Variants in MEIG1 observed in about 807,000 individuals in gnomAD.
MEIG1 encodes the protein meiosis/spermiogenesis associated 1.
A neutral mutation model predicts 11.3 loss-of-function variants in MEIG1; 12 were observed. The ratio of observed to expected loss-of-function variants is 1.07; its 90% confidence interval spans 0.68 to 1.73. MEIG1 has a LOEUF of 1.73. MEIG1 is among the 40% of genes most tolerant of loss of function. MEIG1 has a pLI of 0.00. For synonymous variants in MEIG1, 41 were observed against 33.2 expected (o/e 1.24, Z -0.81); for missense variants, 119 against 104.9 (o/e 1.13, Z -0.59).
chr10:14,962,817 T>G (rs1002165756), intron 1 of MEIG1, among the ~76,000 whole-genome samples: 2 of 151,800 alleles, frequency 1.3e-5, no homozygotes, highest in Admixed American at 1.3e-4. Context: ...CAGGCTGGAG[T>G]GCAGTGGCAC....
chr10:14,980,474 C>T (rs1019499830), intron 1 of MEIG1, among the ~76,000 whole-genome samples: 1 of 152,116 alleles, frequency 6.6e-6, no homozygotes, highest in Non-Finnish European at 1.5e-5. Context: ...CCCCTAATAT[C>T]GCAGGGGCTG....
At chr10:14,981,410 T>C (rs1268278049) in intron 1 of MEIG1, among the ~76,000 whole-genome samples, 1 of 152,168 alleles carries the variant, frequency 6.6e-6, no homozygotes, top group Non-Finnish European at 1.5e-5. Flanking sequence ...CGGTCTGGCA[T>C]GTACAAAAAC....
chr10:14,968,933 C>A (rs1357283660), intron 2 of MEIG1, among the ~76,000 whole-genome samples: 1 of 152,034 alleles, frequency 6.6e-6, no homozygotes, highest in African/African-American at 2.4e-5. Flanking sequence ...ACAAAACTTG[C>A]CAGGCATGGT....
At chr10:14,957,491 G>A (rs142070220), upstream of MEIG1, among the ~76,000 whole-genome samples, 734 of 152,314 alleles carry the variant, frequency 4.8e-3, 2 homozygotes, top group Middle Eastern at 0.014. Flanking sequence ...ATGATCCGGG[G>A]CTACAGAGGA....
intron 2 of MEIG1, among the ~76,000 whole-genome samples, chr10:14,968,132 C>G (rs973197108): frequency 1.3e-5 from 2 of 152,114 alleles, no homozygotes; most frequent in Admixed American, 6.6e-5. Flanking sequence ...TTTTGCAGAT[C>G]ACTATAAGCT....
At chr10:14,974,302 G>A (rs1713625768), downstream of MEIG1, among the ~76,000 whole-genome samples, 1 of 151,744 alleles carries the variant, frequency 6.6e-6, no homozygotes, top group African/African-American at 2.4e-5. Flanking sequence ...CTCTGTTAAA[G>A]AGGAACATGA....
At chr10:14,957,488 G>C (rs139798887), upstream of MEIG1, among the ~76,000 whole-genome samples, 3 of 152,182 alleles carry the variant, frequency 2.0e-5, no homozygotes, top group Non-Finnish European at 2.9e-5. Context: ...AGAATGATCC[G>C]GGGCTACAGA....
chr10:14,977,054 C>G (rs1229648027), downstream of MEIG1, among the ~76,000 whole-genome samples: 1 of 151,874 alleles, frequency 6.6e-6, no homozygotes, highest in Non-Finnish European at 1.5e-5. Context: ...AATGTCCTAG[C>G]GCAATTTTAC....
At chr10:14,958,312 T>G (rs1337990995), upstream of MEIG1, among the ~76,000 whole-genome samples, 1 of 152,216 alleles carries the variant, frequency 6.6e-6, no homozygotes, top group Non-Finnish European at 1.5e-5. Flanking sequence ...TAGTTTTTTG[T>G]TTTTAGTTTT....
chr10:14,986,153 T>C (rs1221151614), intron 1 of MEIG1, among the ~76,000 whole-genome samples: 1 of 152,166 alleles, frequency 6.6e-6, no homozygotes, highest in Non-Finnish European at 1.5e-5. Flanking sequence ...TCTTGCAGCA[T>C]TTTTTAACCA....
At chr10:14,959,204 C>T (rs888273633), upstream of MEIG1, among the ~76,000 whole-genome samples, 2 of 152,178 alleles carry the variant, frequency 1.3e-5, no homozygotes, top group African/African-American at 4.8e-5. Context: ...TTTTCGCCCT[C>T]CATCTCTGCT....
chr10:14,966,719 T>C, intron 2 of MEIG1, 113 bp downstream of exon 2: 1 of 966,242 alleles, frequency 1.0e-6, no homozygotes, highest in South Asian at 1.5e-5. Context: ...AACTCTCTCA[T>C]TTTATTTGTT....
In MEIG1 at chr10:14,985,011, C is replaced by A. The variant is rs149105311; in HGVS notation, n.67-1785C>A. Reference sequence around the variant, plus strand: ...TACTCATTTCACAATGCGTGTACACCCTTTGATATTATTCGTATTGTCTTG... The same window carrying A: ...TACTCATTTCACAATGCGTGTACACACTTTGATATTATTCGTATTGTCTTG... On this transcript the variant is annotated intron_variant and non_coding_transcript_variant, in intron 1 of 2. Coordinates refer to the MEIG1 transcript ENST00000467536. 7.8e-3 allele frequency among the ~76,000 whole-genome samples: 1,189 copies of A among 152,058 alleles called. 14 individuals are homozygous for A. The highest frequency in any genetic ancestry group is 0.026 in the African/African-American group (1,097 of 41,454).
chr10:14,967,260 C>T (rs936381917), intron 2 of MEIG1, among the ~76,000 whole-genome samples: 2 of 152,030 alleles, frequency 1.3e-5, no homozygotes, highest in Non-Finnish European at 2.9e-5. Flanking sequence ...TATTATTTCC[C>T]TCCTGTTACT....
At chr10:14,986,653 A>T (rs1843321371) in intron 1 of MEIG1, 1 of 229,042 alleles carries the variant, frequency 4.4e-6, no homozygotes, top group East Asian at 1.2e-4. Context: ...TCTGTTGCCC[A>T]GGTTGGAGTA....
intron 1 of MEIG1, among the ~76,000 whole-genome samples, chr10:14,981,686 C>T (rs887609117): frequency 1.3e-5 from 2 of 152,178 alleles, no homozygotes; most frequent in Non-Finnish European, 2.9e-5. Flanking sequence ...TTGAGCCGGG[C>T]CCCTTCCTCC....
At chr10:14,960,944 G>C (rs1285298445) in intron 1 of MEIG1, among the ~76,000 whole-genome samples, 3 of 152,096 alleles carry the variant, frequency 2.0e-5, no homozygotes, top group Admixed American at 1.3e-4. Context: ...CAGGAGAATC[G>C]CTTTAACCTG....
At chr10:14,977,481 G>A (rs1843221337), downstream of MEIG1, among the ~76,000 whole-genome samples, 1 of 151,878 alleles carries the variant, frequency 6.6e-6, no homozygotes, top group Admixed American at 6.6e-5. Flanking sequence ...TCCCAATATT[G>A]TAGGGGGATG....
intron 2 of MEIG1, among the ~76,000 whole-genome samples, chr10:14,971,435 C>A (rs1055518181): frequency 2.6e-5 from 4 of 151,526 alleles, no homozygotes; most frequent in African/African-American, 4.8e-5. Flanking sequence ...TCTAACTACT[C>A]GGGAGGCAGA....
Sources: allele counts gnomAD v4.1 joint callset (sites outside exome capture counted in the v4.1 genomes callset), GRCh38; gene constraint gnomAD v4.1.1; transcripts MANE v1.5; gene names NCBI Gene and HGNC (gene_info 2026-07-23, HGNC 2026-07-21).